The following CALN1 variants were observed in gnomAD, a reference collection of about 807,000 sequenced individuals.
CALN1 encodes the protein calcium-binding protein 8.
In CALN1, 17 loss-of-function variants were observed where a neutral mutation model predicts 30.6. The ratio of observed to expected loss-of-function variants is 0.56; its 90% CI spans 0.38 to 0.83. CALN1 has a LOEUF of 0.83. Ranked by LOEUF, CALN1 falls within the 40% of genes least tolerant of loss-of-function variation. The pLI is 0.00. For missense variants in CALN1, 291 were observed against 354.9 expected (o/e 0.82, Z 1.45); for synonymous variants, 156 against 131.4 (o/e 1.19, Z -1.28).
chr7:71,785,837 C>T lies in CALN1; in HGVS notation c.*1938G>A. 1 of 153,148 alleles carries T rather than the reference C, an allele frequency of 6.5e-6. No homozygotes were observed. Among genetic ancestry groups the T allele is most frequent in the Non-Finnish European group, 1.5e-5 (1 of 68,338 alleles). 9.5% of individuals were successfully genotyped at this position (153,148 alleles called of 1,614,324 possible). On this transcript the variant is annotated 3_prime_UTR_variant, in exon 7 of 7. Coordinates refer to ENST00000395275, the MANE Select transcript of CALN1 (RefSeq NM_031468.4). ...GCAGAAGGGGCAGGCATGCAGTGTGCAGGCAGCAGGGCAGGTAAGGGGGAA... is the reference window on the plus strand; with the variant it reads ...GCAGAAGGGGCAGGCATGCAGTGTGTAGGCAGCAGGGCAGGTAAGGGGGAA...
At chr7:72,190,438 G>A (rs775470491) in intron 3 of CALN1, among the ~76,000 whole-genome samples, 2 of 152,206 alleles carry the variant, frequency 1.3e-5, no homozygotes, top group African/African-American at 4.8e-5. Context: ...ATTTCAAGAT[G>A]AGGGAAGTGA....
Position 72,423,486 on chromosome 7 carries a change from T to G in CALN1, c.-225-11211A>C, listed in dbSNP as rs186813314. Reference sequence around the variant, plus strand: ...AACAGACCTCCAGACCATCCAAGGCTGGCTTTCCAGATAACCTCACCCCCA... The same window carrying G: ...AACAGACCTCCAGACCATCCAAGGCGGGCTTTCCAGATAACCTCACCCCCA... On this transcript the variant is annotated intron_variant, in intron 1 of 6. Coordinates refer to the CALN1 transcript ENST00000395276. Among the ~76,000 whole-genome samples, 248 of 152,336 alleles carry G rather than the reference T, an allele frequency of 1.6e-3. 3 individuals carry two copies. The highest frequency in any genetic ancestry group is 2.1e-3 in the East Asian group (11 of 5,184).
chr7:72,054,402 CATATAT>C lies in CALN1; in HGVS notation c.389-30639_389-30634del, dbSNP rs58996469. Among the ~76,000 whole-genome samples, 25 of 100,184 alleles carry C rather than the reference CATATAT, an allele frequency of 2.5e-4. 1 individual carries two copies. The highest frequency in any genetic ancestry group is 7.8e-4 in the African/African-American group (23 of 29,518). 65.7% of individuals were successfully genotyped at this position (100,184 alleles called of 152,430 possible). On this transcript the variant is annotated intron_variant, in intron 4 of 6. Transcript: ENST00000395275. ...TATGCTTGTTGGCTGCATATATGTA[CATATAT>C]ATATATATACGTGTATATATACACG... is the stretch of plus-strand genomic sequence containing the variant.
At chr7:72,464,056 A>G in the CALN1 span, among the ~76,000 whole-genome samples, 1 of 148,580 alleles carries the variant, frequency 6.7e-6, no homozygotes, top group East Asian at 1.9e-4. Flanking sequence ...GAAAGAAGAA[A>G]GAGAAAGAAA....
rs59155068 is a variant in CALN1, at chr7:71,977,932, T to TA, written c.501+45724dup. 2.8e-3 allele frequency among the ~76,000 whole-genome samples: 334 copies of TA among 118,680 alleles called. 1 individual carries two copies. The highest frequency in any genetic ancestry group is 5.8e-3 in the East Asian group (24 of 4,116). 77.9% of individuals were successfully genotyped at this position (118,680 alleles called of 152,430 possible). A position where few individuals can be genotyped will look rare whatever the true frequency, so the allele number is the denominator to read the frequency against. ...GGGAGACAGAGTGAGACTCTGTCTT[T>TA]AAAAAAAAAAAAAAAAAAAGCAATG... On this transcript the variant is annotated intron_variant, in intron 5 of 6. Coordinates refer to ENST00000395275, the MANE Select transcript of CALN1 (RefSeq NM_031468.4).
chr7:71,896,363 CT>C (rs1249815747), intron 5 of CALN1, among the ~76,000 whole-genome samples: 4 of 152,106 alleles, frequency 2.6e-5, no homozygotes, highest in African/African-American at 9.7e-5. Flanking sequence ...TAGAGAACTT[CT>C]TTCTTTCTTA....
intron 3 of CALN1, among the ~76,000 whole-genome samples, chr7:72,127,957 T>G (rs1808881759): frequency 6.6e-6 from 1 of 152,160 alleles, no homozygotes; most frequent in Non-Finnish European, 1.5e-5. Flanking sequence ...TGGGTTTTGC[T>G]TCACAATATT....
intron 5 of CALN1, among the ~76,000 whole-genome samples, chr7:71,903,742 A>G (rs926541758): frequency 6.6e-6 from 1 of 152,202 alleles, no homozygotes; most frequent in African/African-American, 2.4e-5. Flanking sequence ...ACAGGAAAGG[A>G]AACAACAGAG....
chr7:71,876,047 C>T (rs1311548944), intron 5 of CALN1, among the ~76,000 whole-genome samples: 1 of 152,102 alleles, frequency 6.6e-6, no homozygotes, highest in African/African-American at 2.4e-5. Flanking sequence ...ACACAAGTGA[C>T]TCCCTCTGCT....
chr7:72,078,843 G>A (rs887434917), intron 4 of CALN1, among the ~76,000 whole-genome samples: 2 of 152,188 alleles, frequency 1.3e-5, no homozygotes, highest in African/African-American at 4.8e-5. Flanking sequence ...GGCTGAGGCA[G>A]GAGAATCGCC....
At chr7:72,114,275 AAG>A (rs1807798831) in intron 3 of CALN1, among the ~76,000 whole-genome samples, 11 of 71,054 alleles carry the variant, frequency 1.5e-4, no homozygotes, top group East Asian at 1.2e-3. Flanking sequence ...AAGGGAAGGG[AAG>A]GGAAGGGAAG....
chr7:72,010,591 C>T (rs1800014180), intron 5 of CALN1, among the ~76,000 whole-genome samples: 1 of 151,986 alleles, frequency 6.6e-6, no homozygotes, highest in African/African-American at 2.4e-5. Context: ...GTGGGCGAAT[C>T]ACCTGCATTC....
chr7:72,355,880 A>G (rs553812997), intron 2 of CALN1, among the ~76,000 whole-genome samples: 1 of 152,338 alleles, frequency 6.6e-6, no homozygotes, highest in East Asian at 1.9e-4. Flanking sequence ...CATTTTGTCA[A>G]ACTCATCAAA....
intron 5 of CALN1, among the ~76,000 whole-genome samples, chr7:71,868,462 C>G (rs896013375): frequency 6.6e-6 from 1 of 151,534 alleles, no homozygotes; most frequent in Non-Finnish European, 1.5e-5. Context: ...ACCTCCGCCT[C>G]CTGGGTTCAA....
intron 2 of CALN1, among the ~76,000 whole-genome samples, chr7:72,339,743 G>A (rs1010846302): frequency 3.3e-5 from 5 of 152,146 alleles, no homozygotes; most frequent in Non-Finnish European, 7.4e-5. Flanking sequence ...CATCTTACAT[G>A]GCAGCAAGCA....
At chr7:72,103,764 G>T (rs10268010) in intron 4 of CALN1, among the ~76,000 whole-genome samples, 34,496 of 151,800 alleles carry the variant, frequency 0.23, 4,857 homozygotes, top group East Asian at 0.69. Flanking sequence ...GAAATGGAGG[G>T]GGGGGGAAGG....
At chr7:72,368,458 TTG>T (rs139339545) in intron 2 of CALN1, among the ~76,000 whole-genome samples, 47 of 152,134 alleles carry the variant, frequency 3.1e-4, no homozygotes, top group Admixed American at 1.2e-3. Context: ...TGGCTTCTTT[TTG>T]TGTGTATCAT....
chr7:71,914,833 G>A (rs1490349049), intron 5 of CALN1, among the ~76,000 whole-genome samples: 1 of 152,052 alleles, frequency 6.6e-6, no homozygotes, highest in East Asian at 1.9e-4. Context: ...ATTGTTGGCC[G>A]CATGTATGCC....
intron 2 of CALN1, among the ~76,000 whole-genome samples, chr7:72,359,448 A>C (rs1014267365): frequency 6.6e-6 from 1 of 152,184 alleles, no homozygotes; most frequent in African/African-American, 2.4e-5. Flanking sequence ...ACAAATGCTA[A>C]CACACTGTAC....
Sources: gnomAD v4.1 joint callset for allele counts (sites outside exome capture counted in the v4.1 genomes callset) on GRCh38, gnomAD v4.1.1 for gene constraint, MANE v1.5 for transcripts, NCBI Gene and HGNC (gene_info 2026-07-23, HGNC 2026-07-21) for gene names.